FAM53B: variants seen among roughly 807,000 people sequenced by gnomAD.
The protein encoded by FAM53B is family with sequence similarity 53 member B.
A neutral mutation model predicts 32.7 loss-of-function variants in FAM53B; 12 were observed. That is an observed-to-expected ratio of 0.37 (90% confidence interval 0.24 to 0.59). The LOEUF is 0.59. FAM53B is among the 20% of genes least tolerant of loss of function. The pLI is 0.72. For synonymous variants in FAM53B, 234 were observed against 228.7 expected (o/e 1.02, Z -0.21); for missense variants, 477 against 577.7 (o/e 0.83, Z 1.79).
At chr10:124,702,172 A>G (rs974073325) in intron 2 of FAM53B, among the ~76,000 whole-genome samples, 2 of 152,228 alleles carry the variant, frequency 1.3e-5, no homozygotes, top group Non-Finnish European at 2.9e-5. Context: ...AAAGTGGCCT[A>G]TGCTGATACC....
intron 4 of FAM53B, among the ~76,000 whole-genome samples, chr10:124,656,350 T>C (rs971348270): frequency 8.5e-5 from 13 of 152,348 alleles, no homozygotes; most frequent in Admixed American, 4.6e-4. Context: ...AGCCCTGCTG[T>C]AGTGGGAGCG....
At chr10:124,696,431 G>C (rs1415562235) in intron 2 of FAM53B, among the ~76,000 whole-genome samples, 1 of 152,214 alleles carries the variant, frequency 6.6e-6, no homozygotes, top group African/African-American at 2.4e-5. Context: ...AGTCCATCGA[G>C]TTAATGGGCT....
chr10:124,663,391 A>G (rs1206136596), intron 4 of FAM53B, among the ~76,000 whole-genome samples: 1 of 152,214 alleles, frequency 6.6e-6, no homozygotes. Context: ...GGCTAGAGAA[A>G]GGCCAGCACT....
chr10:124,636,863 C>T (rs994285703), intron 4 of FAM53B, among the ~76,000 whole-genome samples: 10 of 151,816 alleles, frequency 6.6e-5, no homozygotes, highest in Middle Eastern at 3.4e-3. Flanking sequence ...TCCCACTGGC[C>T]GTGTTTTCAC....
intron 1 of FAM53B, among the ~76,000 whole-genome samples, chr10:124,736,885 G>A (rs1589769160): frequency 6.6e-6 from 1 of 152,234 alleles, no homozygotes; most frequent in Non-Finnish European, 1.5e-5. Flanking sequence ...GCCAGGGAAC[G>A]CCCACTGGGC....
chr10:124,623,744 C>A (rs559296616), intron 4 of FAM53B, 140 bp from the exon 5 acceptor site: 3 of 948,602 alleles, frequency 3.2e-6, no homozygotes, highest in South Asian at 3.5e-5. Context: ...CAGGCAAGGA[C>A]GGGCCCATGA....
chr10:124,636,578 G>T (rs1052913850), intron 4 of FAM53B, among the ~76,000 whole-genome samples: 8 of 152,092 alleles, frequency 5.3e-5, no homozygotes, highest in Non-Finnish European at 1.0e-4. Context: ...AGGTTCAGGT[G>T]GCCCCCTGCC....
chr10:124,626,395 C>CT (rs1288472493), intron 4 of FAM53B, among the ~76,000 whole-genome samples: 5 of 146,356 alleles, frequency 3.4e-5, no homozygotes, highest in African/African-American at 4.9e-5. Context: ...TGTGCCCCCC[C>CT]CCCCCCCACC....
intron 1 of FAM53B, among the ~76,000 whole-genome samples, chr10:124,725,718 G>C (rs1434536109): frequency 6.6e-6 from 1 of 152,198 alleles, no homozygotes; most frequent in Non-Finnish European, 1.5e-5. Flanking sequence ...GTGTGTTAGT[G>C]ATAGAATTAC....
intron 4 of FAM53B, among the ~76,000 whole-genome samples, chr10:124,680,082 A>T (rs1949759865): frequency 6.6e-6 from 1 of 152,206 alleles, no homozygotes; most frequent in South Asian, 2.1e-4. Flanking sequence ...ATTTTTCTGG[A>T]GAAGGGAAAT....
intron 4 of FAM53B, among the ~76,000 whole-genome samples, chr10:124,660,256 C>T (rs1428248353): frequency 6.6e-6 from 1 of 152,166 alleles, no homozygotes; most frequent in Non-Finnish European, 1.5e-5. Flanking sequence ...AGCAAACGAA[C>T]GCAGAGCAAA....
intron 4 of FAM53B, among the ~76,000 whole-genome samples, chr10:124,660,574 C>T (rs1027390397): frequency 1.3e-5 from 2 of 152,246 alleles, no homozygotes; most frequent in Admixed American, 1.3e-4. Flanking sequence ...CCACTCGAGG[C>T]CAACGGTGAG....
chr10:124,743,131 G>A (rs1376188849), intron 1 of FAM53B, among the ~76,000 whole-genome samples: 4 of 146,898 alleles, frequency 2.7e-5, no homozygotes, highest in East Asian at 2.1e-4. Context: ...GGGGTGGAGA[G>A]CTGGGGGCTG....
intron 4 of FAM53B, among the ~76,000 whole-genome samples, chr10:124,679,672 G>C (rs1247069181): frequency 6.6e-6 from 1 of 152,226 alleles, no homozygotes; most frequent in African/African-American, 2.4e-5. Context: ...CTGTGCCCGA[G>C]ACCCACTGCC....
intron 4 of FAM53B, among the ~76,000 whole-genome samples, chr10:124,664,401 G>A (rs979280478): frequency 3.3e-5 from 5 of 152,210 alleles, no homozygotes; most frequent in Non-Finnish European, 5.9e-5. Flanking sequence ...CATGCTGCTC[G>A]CCTTTAGGAA....
chr10:124,701,616 C>T (rs968096347), intron 2 of FAM53B, among the ~76,000 whole-genome samples: 4 of 152,226 alleles, frequency 2.6e-5, no homozygotes, highest in African/African-American at 9.6e-5. Context: ...CAAGGTCAAA[C>T]GTCTGGGCTG....
chr10:124,629,949 A>G (rs1949379917), intron 4 of FAM53B, among the ~76,000 whole-genome samples: 1 of 152,184 alleles, frequency 6.6e-6, no homozygotes, highest in Non-Finnish European at 1.5e-5. Context: ...TGCAGGTGCT[A>G]GAGATGCCTC....
intron 3 of FAM53B, among the ~76,000 whole-genome samples, chr10:124,688,119 G>A (rs1949813423): frequency 6.6e-6 from 1 of 152,212 alleles, no homozygotes; most frequent in Non-Finnish European, 1.5e-5. Flanking sequence ...CACTAGCAAA[G>A]GCCTTAGAAG....
At chr10:124,633,939 A>G (rs1949409313) in intron 4 of FAM53B, among the ~76,000 whole-genome samples, 1 of 152,270 alleles carries the variant, frequency 6.6e-6, no homozygotes. Flanking sequence ...AAACATTTAC[A>G]TGTCAAAAAA....
Sources: gnomAD v4.1 joint callset for allele counts (sites outside exome capture counted in the v4.1 genomes callset) on GRCh38, gnomAD v4.1.1 for gene constraint, MANE v1.5 for transcripts, NCBI Gene and HGNC (gene_info 2026-07-23, HGNC 2026-07-21) for gene names.